TAF1B: variants seen among roughly 807,000 people sequenced by gnomAD.
TAF1B encodes the protein TATA-box binding protein associated factor, RNA polymerase I subunit B, also known as TATA box-binding protein-associated factor RNA polymerase I subunit B.
TAF1B carries 61 observed loss-of-function variants against 83.9 expected under a neutral mutation model. The observed-to-expected ratio is 0.73, with a 90% CI of 0.59 to 0.90. The LOEUF (loss-of-function observed/expected upper bound fraction) is 0.90. TAF1B is among the 40% of genes least tolerant of loss of function. TAF1B has a pLI of 0.00. For synonymous variants in TAF1B, 221 were observed against 224.6 expected, an observed-to-expected ratio of 0.98 and a Z score of 0.14; for missense variants, 625 against 677.0, an observed-to-expected ratio of 0.92 and a Z score of 0.85.
At chr2:9,917,978 A>G (rs1482201524) in intron 12 of TAF1B, among the ~76,000 whole-genome samples, 3 of 151,422 alleles carry the variant, frequency 2.0e-5, no homozygotes, top group African/African-American at 7.3e-5. Flanking sequence ...AGGCTGAGGC[A>G]GGAGAATGGC....
intron 2 of TAF1B, among the ~76,000 whole-genome samples, chr2:9,847,346 A>G (rs1488565513): frequency 1.3e-5 from 2 of 152,192 alleles, no homozygotes; most frequent in African/African-American, 2.4e-5. Flanking sequence ...TCTTGGCTTT[A>G]TGGCGGTCCA....
intron 5 of TAF1B, among the ~76,000 whole-genome samples, chr2:9,855,247 G>A (rs192466637): frequency 5.9e-5 from 9 of 152,254 alleles, no homozygotes; most frequent in Admixed American, 3.3e-4. Context: ...CATCCTCCTC[G>A]GCCTCCCAAA....
chr2:9,862,139 T>G (rs918243255), intron 5 of TAF1B, among the ~76,000 whole-genome samples: 2 of 151,860 alleles, frequency 1.3e-5, no homozygotes, highest in African/African-American at 4.8e-5. Flanking sequence ...AAGATCAAAC[T>G]ACTCCGAGCT....
chr2:9,917,612 A>G (rs1273063305), intron 12 of TAF1B, among the ~76,000 whole-genome samples: 1 of 152,224 alleles, frequency 6.6e-6, no homozygotes, highest in African/African-American at 2.4e-5. Context: ...AGAGATGCTA[A>G]ATTCATTTCT....
chr2:9,849,430 A>T lies in TAF1B; in HGVS notation c.175A>T (p.Asn59Tyr). ...TCCTAATACCCAAATAAAAGCCCTCAACCGGGGGCTTAAAAAAAAAAACAA... is the reference window on the plus strand; with the variant it reads ...TCCTAATACCCAAATAAAAGCCCTCTACCGGGGGCTTAAAAAAAAAAACAA... ...LIPNTQIKAL[N>Y]RGLKKKNNTE... Residue 59 changes from asparagine (N) to tyrosine (Y), a missense_variant, in exon 3 of 15, where the codon AAC becomes TAC. Asn to Tyr is a moderately radical substitution (Grantham distance 143). Transcript: ENST00000263663. The T allele has an allele frequency of 6.3e-7, 1 of 1,585,808 alleles. No homozygotes were observed. Among genetic ancestry groups the T allele is most frequent in the Non-Finnish European group, 8.6e-7 (1 of 1,168,536 alleles).
intron 10 of TAF1B, among the ~76,000 whole-genome samples, 173 bp from the exon 11 acceptor site, chr2:9,911,338 A>C (rs927722032): frequency 2.6e-5 from 4 of 152,234 alleles, no homozygotes; most frequent in African/African-American, 9.6e-5. Context: ...AGATGCCAAC[A>C]AAGAGTGACA....
At chr2:9,871,335 G>A (rs776918353) in intron 6 of TAF1B, among the ~76,000 whole-genome samples, 1 of 152,088 alleles carries the variant, frequency 6.6e-6, no homozygotes, top group Non-Finnish European at 1.5e-5. Flanking sequence ...GCCCACCTCG[G>A]CCTCCCAAAG....
chr2:9,878,736 T>C (rs1482490529), intron 7 of TAF1B, among the ~76,000 whole-genome samples: 1 of 152,214 alleles, frequency 6.6e-6, no homozygotes. Flanking sequence ...GTGAATCATA[T>C]AGGTCAAGTC....
intron 6 of TAF1B, among the ~76,000 whole-genome samples, chr2:9,872,470 T>C (rs1664198304): frequency 6.6e-6 from 1 of 152,184 alleles, no homozygotes; most frequent in Non-Finnish European, 1.5e-5. Context: ...GGATCCCCAG[T>C]GAAAACTGCT....
chr2:9,866,402 G>T (rs1207781143), intron 5 of TAF1B, among the ~76,000 whole-genome samples: 1 of 151,226 alleles, frequency 6.6e-6, no homozygotes, highest in Non-Finnish European at 1.5e-5. Flanking sequence ...TCTCACGCCA[G>T]TTAGAATGGC....
intron 10 of TAF1B, 37 bp from the exon 11 acceptor site, chr2:9,911,474 C>A: frequency 7.0e-7 from 1 of 1,437,632 alleles, no homozygotes; most frequent in Non-Finnish European, 9.5e-7. Flanking sequence ...AAATACATGA[C>A]TTCTAAATAA....
At chr2:9,866,925 G>C (rs1048924235) in intron 5 of TAF1B, among the ~76,000 whole-genome samples, 5 of 151,988 alleles carry the variant, frequency 3.3e-5, no homozygotes, top group Non-Finnish European at 7.4e-5. Flanking sequence ...ATCCCATACC[G>C]GGGACTGTTG....
In TAF1B at chr2:9,914,650, C is replaced by G. The variant is rs1158415523; in HGVS notation, c.1271+1401C>G. On this transcript the variant is annotated intron_variant, in intron 12 of 14. Coordinates refer to ENST00000263663, the MANE Select transcript of TAF1B (RefSeq NM_005680.3). The surrounding 1 kb of genome is among the most constrained non-coding windows in gnomAD (Gnocchi z 4.3). ...ACATTTAAGACTTACCGGCTTTTAGCTACTTTAGGGAATAATTTATTGGCC... is the reference window on the plus strand; with the variant it reads ...ACATTTAAGACTTACCGGCTTTTAGGTACTTTAGGGAATAATTTATTGGCC... Among the ~76,000 whole-genome samples the G allele has an allele frequency of 6.6e-6, 1 of 152,178 alleles. No homozygotes were observed.
intron 14 of TAF1B, among the ~76,000 whole-genome samples, chr2:9,920,830 T>C (rs1665856971): frequency 6.6e-6 from 1 of 152,286 alleles, no homozygotes; most frequent in East Asian, 1.9e-4. Context: ...CGCGCTTTTA[T>C]GGTTATTGGG....
intron 8 of TAF1B, among the ~76,000 whole-genome samples, chr2:9,888,055 A>G (rs892360344): frequency 6.6e-6 from 1 of 152,152 alleles, no homozygotes; most frequent in Non-Finnish European, 1.5e-5. Context: ...GTGGTCTTGC[A>G]GTGATGCCCA....
chr2:9,871,488 G>A (rs10495574), intron 6 of TAF1B, among the ~76,000 whole-genome samples: 9,370 of 152,006 alleles, frequency 0.062, 369 homozygotes, highest in East Asian at 0.17. Flanking sequence ...TCTCATTTTT[G>A]TGGAGCATCT....
chr2:9,886,258 A>C (rs1285071900), intron 8 of TAF1B, among the ~76,000 whole-genome samples: 4 of 151,474 alleles, frequency 2.6e-5, no homozygotes, highest in Non-Finnish European at 5.9e-5. Flanking sequence ...CCATTTTAAG[A>C]TTCTGTTAAC....
chr2:9,931,311 G>A (rs1048178037), intron 14 of TAF1B, among the ~76,000 whole-genome samples: 1 of 152,208 alleles, frequency 6.6e-6, no homozygotes, highest in African/African-American at 2.4e-5. Context: ...GATACCGGTT[G>A]CTCCTTTCCA....
chr2:9,901,209 T>TA (rs1229703668), intron 8 of TAF1B, among the ~76,000 whole-genome samples: 1 of 152,058 alleles, frequency 6.6e-6, no homozygotes, highest in East Asian at 1.9e-4. Flanking sequence ...TAGCCACCTT[T>TA]AAAAAAATAT....
Sources: gnomAD v4.1 joint callset for allele counts (sites outside exome capture counted in the v4.1 genomes callset) on GRCh38, gnomAD v4.1.1 for gene constraint, Gnocchi (gnomAD v3.1) non-coding constraint, MANE v1.5 for transcripts, NCBI Gene and HGNC (gene_info 2026-07-23, HGNC 2026-07-21) for gene names.